MFN2: variants seen among roughly 807,000 people sequenced by gnomAD.
The protein encoded by MFN2 is mitofusin 2, also known as mitofusin-2.
MFN2 carries 43 observed loss-of-function variants against 87.5 expected under a neutral mutation model. The ratio of observed to expected loss-of-function variants is 0.49; its 90% CI spans 0.38 to 0.63. The LOEUF (loss-of-function observed/expected upper bound fraction) is 0.63. Ranked by LOEUF, MFN2 falls within the 30% of genes least tolerant of loss-of-function variation. MFN2 has a pLI of 0.00. For missense variants in MFN2, 743 were observed against 972.8 expected (o/e 0.76, Z 3.14); for synonymous variants, 337 against 359.9 (o/e 0.94, Z 0.72).
chr1:12,006,780 T>C (rs1639439478), intron 16 of MFN2, 87 bp downstream of exon 16: 1 of 1,542,694 alleles, frequency 6.5e-7, no homozygotes, highest in East Asian at 2.2e-5. Context: ...GGCCCCTGCA[T>C]TGGGCCACAC....
Position 12,002,950 on chromosome 1 carries a change from G to A in MFN2, c.1160+847G>A, listed in dbSNP as rs1639241306. On this transcript the variant is annotated intron_variant, in intron 11 of 18. Transcript: ENST00000235329. ...ATGTGGCATCACACTGTCTGTCACT[G>A]TACCTGGCTTTGCTTTCTCAACATC... Among the ~76,000 whole-genome samples, 4 of 152,322 alleles carry A rather than the reference G, an allele frequency of 2.6e-5. No individual in the cohort carries two copies. In the South Asian group the frequency reaches 6.2e-4, roughly 24 times the overall value.
chr1:12,006,772 C>T (rs969051845), intron 16 of MFN2, 79 bp downstream of exon 16: 1 of 1,589,326 alleles, frequency 6.3e-7, no homozygotes, highest in Non-Finnish European at 8.6e-7. Context: ...CCTGCTGTGG[C>T]CCCTGCATTG....
At chr1:12,002,591 G>A (rs1413310326) in intron 11 of MFN2, among the ~76,000 whole-genome samples, 1 of 152,204 alleles carries the variant, frequency 6.6e-6, no homozygotes, top group African/African-American at 2.4e-5. Flanking sequence ...GGGAGGCTGA[G>A]GCAGGAGGAT....
Position 12,011,699 on chromosome 1 carries a change from C to A in MFN2, c.*134C>A. On this transcript the variant is annotated 3_prime_UTR_variant, in exon 19 of 19. Coordinates refer to ENST00000235329, the MANE Select transcript of MFN2 (RefSeq NM_014874.4). ...AGAGAATGAAGCACCCAGTCTCGTACCATTTTGAGCCCTCCAGCACTACTT... is the reference window on the plus strand; with the variant it reads ...AGAGAATGAAGCACCCAGTCTCGTAACATTTTGAGCCCTCCAGCACTACTT... 1.1e-6 allele frequency: 1 copy of A among 884,416 alleles called. No individual in the cohort carries two copies. The highest frequency in any genetic ancestry group is 1.8e-6 in the Non-Finnish European group (1 of 548,148). 54.8% of individuals were successfully genotyped at this position (884,416 alleles called of 1,614,324 possible). A position where few individuals can be genotyped will look rare whatever the true frequency, so the allele number is the denominator to read the frequency against.
chr1:11,996,705 T>C (rs1638922464), intron 5 of MFN2, among the ~76,000 whole-genome samples: 1 of 152,198 alleles, frequency 6.6e-6, no homozygotes, highest in Admixed American at 6.5e-5. Flanking sequence ...GAGAGGCAGC[T>C]GCATTCTTGT....
chr1:11,986,532 G>A (rs999429618), intron 2 of MFN2, among the ~76,000 whole-genome samples: 1 of 152,058 alleles, frequency 6.6e-6, no homozygotes, highest in African/African-American at 2.4e-5. Context: ...CCACTTTTGG[G>A]GTCGGAATTC....
Position 12,005,868 on chromosome 1 carries a change from G to A in MFN2, c.1653G>A (p.Met551Ile), listed in dbSNP as rs1553145126. 5.0e-6 allele frequency: 8 copies of A among 1,614,202 alleles called. No individual in the cohort carries two copies. Among genetic ancestry groups the A allele is most frequent in the Non-Finnish European group, 5.9e-6 (7 of 1,180,038 alleles). ...TCCATTTCTCTCTCGGATGGACCAT[G>A]CTGGTGAATAGGTTCCTGGGCCCCA... ...IEFHFSLGWT[M>I]LVNRFLGPKN... The change falls in exon 15 of 19, where the codon ATG (methionine) becomes ATA (isoleucine). Residue 551 changes from methionine to isoleucine, a missense_variant. By Grantham distance (10) the Met-to-Ile change is conservative. Around this residue, in one of 3 missense-constraint regions of MFN2, gnomAD observed 571 missense variants for 670.7 expected, o/e 0.85. Coordinates refer to ENST00000235329, the MANE Select transcript of MFN2 (RefSeq NM_014874.4).
At chr1:12,005,127 G>T (rs1365182307) in intron 14 of MFN2, among the ~76,000 whole-genome samples, 200 bp downstream of exon 14, 1 of 152,224 alleles carries the variant, frequency 6.6e-6, no homozygotes, top group East Asian at 1.9e-4. Flanking sequence ...CGTAACCCAG[G>T]CTGGAGTGCA....
intron 3 of MFN2, 41 bp downstream of exon 3, chr1:11,989,384 TTAGA>T (rs1638577459): frequency 6.2e-7 from 1 of 1,604,366 alleles, no homozygotes; most frequent in Non-Finnish European, 8.5e-7. Context: ...TCTTACCTGT[TTAGA>T]TATTTAGCTA....
intron 2 of MFN2, 88 bp downstream of exon 2, chr1:11,982,202 T>C (rs948555790): frequency 1.3e-5 from 2 of 152,198 alleles, no homozygotes; most frequent in African/African-American, 4.8e-5. Flanking sequence ...GCAAGTCTCT[T>C]GAATGGCATC....
At chr1:12,005,057 AGGTTCTG>A in intron 14 of MFN2, 130 bp downstream of exon 14, 1 of 761,116 alleles carries the variant, frequency 1.3e-6, no homozygotes. Flanking sequence ...CGATACCTTC[AGGTTCTG>A]GGTACATGTT....
In MFN2 at chr1:12,005,113, A is replaced by G. The variant is rs3766742; in HGVS notation, c.1495+186A>G. On this transcript the variant is annotated intron_variant, in intron 14 of 18. Coordinates refer to ENST00000235329, the MANE Select transcript of MFN2 (RefSeq NM_014874.4). ...TGTTTGCTTTTTGAGACAGAGTCGCACTCCGTAACCCAGGCTGGAGTGCAG... is the reference window on the plus strand; with the variant it reads ...TGTTTGCTTTTTGAGACAGAGTCGCGCTCCGTAACCCAGGCTGGAGTGCAG... Among the ~76,000 whole-genome samples the G allele has an allele frequency of 0.047, 7,182 of 152,150 alleles. 241 individuals are homozygous for G. The highest frequency in any genetic ancestry group is 0.13 in the East Asian group (654 of 5,168).
chr1:12,006,911 A>T (rs1442902641), intron 16 of MFN2, 142 bp from the exon 17 acceptor site: 11 of 1,304,304 alleles, frequency 8.4e-6, no homozygotes, highest in Admixed American at 1.7e-5. Context: ...GTGGGATCAA[A>T]GGAGACATTG....
At chr1:11,991,837 T>A (rs1382533911) in intron 3 of MFN2, among the ~76,000 whole-genome samples, 1 of 136,046 alleles carries the variant, frequency 7.4e-6, no homozygotes, top group African/African-American at 2.8e-5. Flanking sequence ...GGCAGGAGAA[T>A]GGCGTGAACC....
chr1:11,996,762 G>T (rs771965785), intron 5 of MFN2, among the ~76,000 whole-genome samples: 2 of 152,194 alleles, frequency 1.3e-5, no homozygotes, highest in Non-Finnish European at 2.9e-5. Context: ...AATTGGTCGG[G>T]CACGGTGGCT....
intron 4 of MFN2, among the ~76,000 whole-genome samples, chr1:11,995,660 G>A (rs1232597817): frequency 6.6e-6 from 1 of 152,050 alleles, no homozygotes; most frequent in Non-Finnish European, 1.5e-5. Context: ...AAAAGAATGA[G>A]AAAGTAACCT....
In MFN2 at chr1:12,004,380, C is replaced by A; in HGVS notation, c.1288-129C>A. 1.0e-6 allele frequency: 1 copy of A among 967,014 alleles called. No homozygotes were observed. 59.9% of individuals were successfully genotyped at this position (967,014 alleles called of 1,614,324 possible). On this transcript the variant is annotated intron_variant, in intron 12 of 18. Transcript: ENST00000235329. This position sits in a 1 kb window ranked among gnomAD's most constrained non-coding sequence, Gnocchi z 4.2. ...CCCTCTCACTTCAGAGGCTTTAATT[C>A]CATAGAGGAGCTGAGGAGGCTGCTG...
chr1:11,987,427 C>T (rs1322714217), intron 2 of MFN2, among the ~76,000 whole-genome samples: 2 of 149,862 alleles, frequency 1.3e-5, no homozygotes, highest in Non-Finnish European at 3.0e-5. Context: ...GTCAGGAGTT[C>T]AAGACCTACC....
At chr1:12,001,933 G>T (rs774356973) in intron 10 of MFN2, 49 bp from the exon 11 acceptor site, 1 of 1,614,144 alleles carries the variant, frequency 6.2e-7, no homozygotes, top group African/African-American at 1.3e-5. Flanking sequence ...GCCCTTGGTT[G>T]TAGGCCCCTG....
Sources: allele counts gnomAD v4.1 joint callset (sites outside exome capture counted in the v4.1 genomes callset), GRCh38; gene constraint gnomAD v4.1.1; regional missense constraint gnomAD v4.1.1; non-coding constraint Gnocchi (gnomAD v3.1); transcripts MANE v1.5; gene names NCBI Gene and HGNC (gene_info 2026-07-23, HGNC 2026-07-21).